Variants in NOXO1 observed in about 807,000 individuals in gnomAD.
The protein encoded by NOXO1 is NADPH oxidase organizer 1.
A neutral mutation model predicts 33.3 loss-of-function variants in NOXO1; 38 were observed. That is an observed-to-expected ratio of 1.14 (90% confidence interval 0.88 to 1.50). NOXO1 has a LOEUF of 1.50. Among genes scored for constraint, NOXO1 ranks in the 40% most tolerant of loss-of-function variants. The pLI, the probability that NOXO1 is intolerant of heterozygous loss-of-function variation, is 0.00. For missense variants in NOXO1, 675 were observed against 527.1 expected (o/e 1.28, Z -2.75); for synonymous variants, 302 against 237.3 (o/e 1.27, Z -2.51).
At chr16:1,980,261 C>T (rs1376719408) in intron 4 of NOXO1, 80 bp from the exon 5 acceptor site, 1 of 1,518,486 alleles carries the variant, frequency 6.6e-7, no homozygotes, top group African/African-American at 1.4e-5. Flanking sequence ...GCAAGACCGC[C>T]AGCCTCCCAC....
chr16:1,980,714 G>A lies in NOXO1; in HGVS notation c.165C>T (p.Thr55=). Residue 55 remains threonine (T), a synonymous_variant, in exon 3 of 8, where the codon ACC becomes ACT. Coordinates refer to ENST00000356120, the MANE Select transcript of NOXO1 (RefSeq NM_172167.3). ...FRQLKKTLKE[T]FPVEAGLLRR... ...GCAGCAGGCCCGCCTCCACCGGGAA[G>A]GTCTCCTTGAGGGTCTTCTGAGGGC... 6.2e-7 allele frequency: 1 copy of A among 1,604,730 alleles called. No individual in the cohort carries two copies. Among genetic ancestry groups the A allele is most frequent in the Non-Finnish European group, 8.5e-7 (1 of 1,175,978 alleles).
In NOXO1 at chr16:1,979,844, C is replaced by T. The variant is rs768068245; in HGVS notation, c.646G>A (p.Glu216Lys). 4.4e-6 allele frequency: 7 copies of T among 1,579,308 alleles called. No individual in the cohort carries two copies. Among genetic ancestry groups the T allele is most frequent in the Non-Finnish European group, 6.0e-6 (7 of 1,164,026 alleles). The change falls in exon 6 of 8, where the codon GAG becomes AAG. Residue 216 changes from glutamate (E) to lysine (K), a missense_variant. By Grantham distance (56) the Glu-to-Lys change is moderately conservative. Coordinates refer to ENST00000356120, the MANE Select transcript of NOXO1 (RefSeq NM_172167.3). ...QTAWFPAPYL[E>K]EAAPGQGREG... ...CGGCCTTGGCCCGGGGCCGCCTCCT[C>T]CAGGTAGGGCGCTGGAAACCAGGCG...
At chr16:1,979,563 G>T in intron 6 of NOXO1, 21 bp from the exon 7 acceptor site, 1 of 1,586,566 alleles carries the variant, frequency 6.3e-7, no homozygotes, top group Non-Finnish European at 8.6e-7. Flanking sequence ...TGGGTGTTTG[G>T]AGTCACCGCG....
chr16:1,979,867 G>A lies in NOXO1; in HGVS notation c.623C>T (p.Ala208Val), dbSNP rs766589419. 1.5e-5 allele frequency: 23 copies of A among 1,581,446 alleles called. No homozygotes were observed. The highest frequency in any genetic ancestry group is 1.9e-5 in the Non-Finnish European group (22 of 1,165,066). Reference sequence around the variant, plus strand: ...CTCCAGGTAGGGCGCTGGAAACCAGGCGGTCTGCCGGTCTTCGTTCTCCAC... The same window carrying A: ...CTCCAGGTAGGGCGCTGGAAACCAGACGGTCTGCCGGTCTTCGTTCTCCAC... ...WLVENEDRQT[A>V]WFPAPYLEEA... The change falls in exon 6 of 8, where the codon GCC becomes GTC. Residue 208 changes from alanine (A) to valine (V), a missense_variant. Transcript: ENST00000356120.
intron 7 of NOXO1, 26 bp from the exon 8 acceptor site, chr16:1,979,375 G>T: frequency 6.3e-7 from 1 of 1,586,602 alleles, no homozygotes; most frequent in Non-Finnish European, 8.5e-7. Context: ...TGTGGTTAGG[G>T]CCCCGCCCGC....
Position 1,980,531 on chromosome 16 carries a change from C to T in NOXO1, c.237G>A (p.Leu79=). ...CGCGGCTCGTGCGCCCCACGCGTCC[C>T]AACAGTGGTGCATCTTAAGGCACCA... ...VLPKLLDAPL[L]GRVGRTSRGL... is the part of the protein sequence containing the mutation. The change falls in exon 4 of 8, where the codon TTG becomes TTA. Residue 79 remains leucine (L), a synonymous_variant. Coordinates refer to ENST00000356120, the MANE Select transcript of NOXO1 (RefSeq NM_172167.3). 1 of 1,603,838 alleles carries T rather than the reference C, an allele frequency of 6.2e-7. No individual in the cohort carries two copies. Among genetic ancestry groups the T allele is most frequent in the Non-Finnish European group, 8.5e-7 (1 of 1,178,442 alleles).
chr16:1,979,401 C>G, intron 7 of NOXO1, 24 bp downstream of exon 7: 1 of 1,601,962 alleles, frequency 6.2e-7, no homozygotes, highest in Non-Finnish European at 8.5e-7. Flanking sequence ...CTAGCCTGCC[C>G]TGCCCACGCC....
rs764304167 is a variant in NOXO1 at position 1,979,274 on chromosome 16, C to T, written c.894G>A (p.Thr298=). ...CCGGGTCGTCTCCTCCACGGAACCC[C>T]GTCCCGCTCAGGAGAGCGCCCAGCC... ...PEGLGALLSG[T]GFRGGDDPAG... The change falls in exon 8 of 8, where the codon ACG becomes ACA. Residue 298 remains threonine (T), a synonymous_variant. Transcript: ENST00000356120. The T allele has an allele frequency of 3.2e-6, 5 of 1,548,848 alleles. No individual in the cohort carries two copies. The highest frequency in any genetic ancestry group is 1.2e-5 in the South Asian group (1 of 85,196).
At position 1,979,889 on chromosome 16, in the gene NOXO1, C is replaced by T; in HGVS notation, c.601G>A (p.Glu201Lys). Residue 201 changes from glutamate (E) to lysine (K), a missense_variant, in exon 6 of 8, where the codon GAG becomes AAG. By Grantham distance (56) the Glu-to-Lys change is moderately conservative. Coordinates refer to ENST00000356120, the MANE Select transcript of NOXO1 (RefSeq NM_172167.3). The stretch of plus-strand genomic sequence containing the variant: ...CAGGCGGTCTGCCGGTCTTCGTTCT[C>T]CACCAGCCACCAGCCTGTGCGCAAG... The part of the protein sequence containing the change: ...LRHPSGWWLV[E>K]NEDRQTAWFP... The T allele has an allele frequency of 6.3e-7, 1 of 1,581,424 alleles. No homozygotes were observed. The highest frequency in any genetic ancestry group is 8.6e-7 in the Non-Finnish European group (1 of 1,164,724).
At chr16:1,980,256 A>C (rs1366285289) in intron 4 of NOXO1, 75 bp from the exon 5 acceptor site, 8 of 1,520,864 alleles carry the variant, frequency 5.3e-6, no homozygotes, top group Non-Finnish European at 6.2e-6. Flanking sequence ...CCCCGGCAAG[A>C]CCGCCAGCCT....
chr16:1,979,539 G>A lies in NOXO1; in HGVS notation c.704C>T (p.Pro235Leu), dbSNP rs1329972183. Residue 235 changes from proline (P) to leucine (L), a missense_variant, in exon 7 of 8, where the codon CCC becomes CTC. Transcript: ENST00000356120. The stretch of plus-strand genomic sequence containing the variant: ...GTAGGCGCGGGAAGCACAGAACTGG[G>A]GACCTGGTGGGAGTGGGTGTTTGGA... ...EGGPSLGSSG[P>L]QFCASRAYES... is the part of the protein sequence containing the mutation. 5.0e-6 allele frequency: 8 copies of A among 1,608,512 alleles called. No homozygotes were observed. Among genetic ancestry groups the A allele is most frequent in the African/African-American group, 2.7e-5 (2 of 74,824 alleles).
Position 1,979,279 on chromosome 16 carries a change from C to A in NOXO1, c.889G>T (p.Gly297Trp). Residue 297 changes from glycine (G) to tryptophan (W), a missense_variant, in exon 8 of 8, where the codon GGG (glycine) becomes TGG (tryptophan). Gly to Trp is a radical substitution (Grantham distance 184). Transcript: ENST00000356120. ...TCGTCTCCTCCACGGAACCCCGTCC[C>A]GCTCAGGAGAGCGCCCAGCCCTTCC... ...RPEGLGALLSGTGFRGGDDPA... is the reference protein window; with the variant it reads ...RPEGLGALLSWTGFRGGDDPA... 2 of 1,552,680 alleles carry A rather than the reference C, an allele frequency of 1.3e-6. No individual in the cohort carries two copies. Among genetic ancestry groups the A allele is most frequent in the Middle Eastern group, 1.9e-4 (1 of 5,244 alleles).
Position 1,981,197 on chromosome 16 carries a change from T to C in NOXO1, c.-18A>G. 1 of 1,613,408 alleles carries C rather than the reference T, an allele frequency of 6.2e-7. No homozygotes were observed. Among genetic ancestry groups the C allele is most frequent in the Non-Finnish European group, 8.5e-7 (1 of 1,179,980 alleles). On this transcript the variant is annotated 5_prime_UTR_variant, in exon 1 of 8. Coordinates refer to ENST00000356120, the MANE Select transcript of NOXO1 (RefSeq NM_172167.3). ...CCTGCCATGGCTGTGGCTTCCAGGC[T>C]GCAGATTCCTGAAATGGGCGAGGAC...
In NOXO1 at chr16:1,979,851, G is replaced by A; in HGVS notation, c.639C>T (p.Pro213=). 6.3e-7 allele frequency: 1 copy of A among 1,581,208 alleles called. No homozygotes were observed. Among genetic ancestry groups the A allele is most frequent in the Non-Finnish European group, 8.6e-7 (1 of 1,164,914 alleles). ...EDRQTAWFPA[P]YLEEAAPGQG... ...GGCCCGGGGCCGCCTCCTCCAGGTA[G>A]GGCGCTGGAAACCAGGCGGTCTGCC... The change falls in exon 6 of 8, where the codon CCC becomes CCT. Residue 213 remains proline, a synonymous_variant. Coordinates refer to ENST00000356120, the MANE Select transcript of NOXO1 (RefSeq NM_172167.3).
Position 1,980,181 on chromosome 16 carries a change from G to T in NOXO1, c.402C>A (p.Ser134Arg). ...LDLEPALPPGSRVILPTPEEQ... is the reference protein window; with the variant it reads ...LDLEPALPPGRRVILPTPEEQ... ...CCTCTGGGGTGGGCAGGATCACCCG[G>T]CTGGGAAGGGCAGCCCGTACGAGTG... is the stretch of plus-strand genomic sequence containing the variant. Residue 134 changes from serine to arginine, a missense_variant and splice_region_variant, in exon 5 of 8, where the codon AGC (serine) becomes AGA (arginine). Transcript: ENST00000356120. 6.3e-7 allele frequency: 1 copy of T among 1,596,424 alleles called. No individual in the cohort carries two copies.
chr16:1,979,168 C>A lies in NOXO1; in HGVS notation c.1000G>T (p.Ala334Ser). The A allele has an allele frequency of 2.7e-6, 4 of 1,456,358 alleles. No individual in the cohort carries two copies. Among genetic ancestry groups the A allele is most frequent in the Non-Finnish European group, 3.6e-6 (4 of 1,113,796 alleles). 90.2% of individuals were successfully genotyped at this position (1,456,358 alleles called of 1,614,324 possible). ...PTVPTRPSPG[A>S]IQSRCCTVTR... is the part of the protein sequence containing the mutation. Reference sequence around the variant, plus strand: ...ACGGTGCAGCAGCGGCTCTGGATGGCGCCCGGCGAAGGTCGGGTGGGCACG... The same window carrying A: ...ACGGTGCAGCAGCGGCTCTGGATGGAGCCCGGCGAAGGTCGGGTGGGCACG... Residue 334 changes from alanine to serine, a missense_variant, in exon 8 of 8, where the codon GCC becomes TCC. By Grantham distance (99) the Ala-to-Ser change is moderately conservative. Coordinates refer to ENST00000356120, the MANE Select transcript of NOXO1 (RefSeq NM_172167.3).
At position 1,979,030 on chromosome 16, in the gene NOXO1, C is replaced by A. The variant is rs1429032973; in HGVS notation, c.*22G>T. The A allele has an allele frequency of 1.3e-6, 2 of 1,535,820 alleles. No individual in the cohort carries two copies. The highest frequency in any genetic ancestry group is 1.7e-6 in the Non-Finnish European group (2 of 1,150,706). On this transcript the variant is annotated 3_prime_UTR_variant, in exon 8 of 8. Coordinates refer to ENST00000356120, the MANE Select transcript of NOXO1 (RefSeq NM_172167.3). ...CCAGCCCTGGGATGGCGCGGTCCAT[C>A]CCCTCATCGGGATCCTCGCGCTCAC...
Position 1,979,427 on chromosome 16 carries a change from G to A in NOXO1, c.816C>T (p.Cys272=). 4.4e-6 allele frequency: 7 copies of A among 1,608,158 alleles called. No homozygotes were observed. The African/African-American group carries it at 5.3e-5, about 12-fold the overall frequency. Residue 272 remains cysteine (C), a splice_region_variant and synonymous_variant, in exon 7 of 8, where the codon TGC becomes TGT. Coordinates refer to ENST00000356120, the MANE Select transcript of NOXO1 (RefSeq NM_172167.3). ...LETSDRGWWL[C]RYGDRAGLLP... is the part of the protein sequence containing the mutation. The stretch of plus-strand genomic sequence containing the variant: ...TGCCCACGCCCGCTCCCGCGTACCT[G>A]CATAGCCACCAGCCGCGGTCTGACG...
chr16:1,981,449 G>T lies in NOXO1; in HGVS notation c.-270C>A. 1.3e-6 allele frequency: 1 copy of T among 763,342 alleles called. No homozygotes were observed. The highest frequency in any genetic ancestry group is 2.0e-6 in the Non-Finnish European group (1 of 502,912). 47.3% of individuals were successfully genotyped at this position (763,342 alleles called of 1,614,324 possible). A position where few individuals can be genotyped will look rare whatever the true frequency, so the allele number is the denominator to read the frequency against. ...AGGAAGAAGAAGAATGAGCTTTCCA[G>T]CCCTGGAGGCGTGCAAGACTGAAGA... On this transcript the variant is annotated 5_prime_UTR_variant, in exon 1 of 8. It adds an upstream start codon to the 5' untranslated region. Transcript: ENST00000356120.
Sources: allele counts gnomAD v4.1 joint callset, GRCh38; gene constraint gnomAD v4.1.1; transcripts MANE v1.5; gene names NCBI Gene and HGNC (gene_info 2026-07-23, HGNC 2026-07-21).